SLC4A10: variants seen among roughly 807,000 people sequenced by gnomAD.
SLC4A10 encodes solute carrier family 4 member 10, also known as sodium-driven chloride bicarbonate exchanger.
Under a neutral mutation model 137.7 loss-of-function variants are expected in SLC4A10, and 42 were observed. That is an observed-to-expected ratio of 0.30 (90% CI 0.24 to 0.39). The LOEUF is 0.39. Among genes scored for constraint, SLC4A10 ranks in the 10% least tolerant of loss-of-function variants. SLC4A10 has a pLI of 1.00. For missense variants in SLC4A10, 925 were observed against 1,355.0 expected (o/e 0.68, Z 4.98); for synonymous variants, 474 against 464.1 (o/e 1.02, Z -0.27).
intron 1 of SLC4A10, among the ~76,000 whole-genome samples, chr2:161,693,669 CT>C (rs774199734): frequency 0.076 from 8,717 of 115,178 alleles, 288 homozygotes; most frequent in African/African-American, 0.11. Context: ...ACAAATTCGA[CT>C]TTTTTTTTTT....
chr2:161,745,623 G>T (rs891930356), intron 1 of SLC4A10, among the ~76,000 whole-genome samples: 3 of 152,004 alleles, frequency 2.0e-5, no homozygotes, highest in African/African-American at 7.2e-5. Context: ...TAATGCTTGG[G>T]ATATTTATTG....
intron 26 of SLC4A10, among the ~76,000 whole-genome samples, chr2:161,982,193 C>T (rs976075901): frequency 1.3e-5 from 2 of 152,084 alleles, no homozygotes; most frequent in Non-Finnish European, 2.9e-5. Context: ...CAGCCCAGGG[C>T]CTCAGTAGCT....
chr2:161,967,366 A>G (rs1407066789), intron 23 of SLC4A10, among the ~76,000 whole-genome samples: 2 of 152,210 alleles, frequency 1.3e-5, no homozygotes, highest in Non-Finnish European at 2.9e-5. Context: ...CTCGACCTTG[A>G]ACTGGAATAA....
intron 2 of SLC4A10, among the ~76,000 whole-genome samples, chr2:161,801,534 A>C (rs1224789110): frequency 6.6e-6 from 1 of 152,112 alleles, no homozygotes; most frequent in African/African-American, 2.4e-5. Context: ...TCAAACAAAG[A>C]AAGCTTTAAC....
intron 8 of SLC4A10, among the ~76,000 whole-genome samples, chr2:161,877,461 A>C (rs1265060427): frequency 6.6e-6 from 1 of 152,030 alleles, no homozygotes; most frequent in Non-Finnish European, 1.5e-5. Flanking sequence ...TATATGGGAA[A>C]TCTTCTATTC....
chr2:161,832,914 G>T (rs560621128), intron 3 of SLC4A10, among the ~76,000 whole-genome samples: 54 of 152,156 alleles, frequency 3.5e-4, no homozygotes, highest in Non-Finnish European at 7.1e-4. Context: ...CTAATTTTTT[G>T]TATTTTTAGT....
intron 20 of SLC4A10, among the ~76,000 whole-genome samples, chr2:161,958,063 G>A (rs1280656664): frequency 6.6e-6 from 1 of 151,560 alleles, no homozygotes; most frequent in Non-Finnish European, 1.5e-5. Flanking sequence ...CAAATACCTG[G>A]TATAATACAG....
chr2:161,657,395 A>G (rs1033629586), intron 1 of SLC4A10, among the ~76,000 whole-genome samples: 2 of 152,060 alleles, frequency 1.3e-5, no homozygotes, highest in African/African-American at 2.4e-5. Flanking sequence ...AATTCGTAAA[A>G]TTAAAGTGTT....
chr2:161,977,179 C>A, intron 25 of SLC4A10: 1 of 284,862 alleles, frequency 3.5e-6, no homozygotes, highest in Non-Finnish European at 6.6e-6. Context: ...TCCCCCAGGA[C>A]CCCTTTAGAC....
At chr2:161,869,944 C>A (rs1381999202) in intron 6 of SLC4A10, among the ~76,000 whole-genome samples, 1 of 151,370 alleles carries the variant, frequency 6.6e-6, no homozygotes, top group African/African-American at 2.4e-5. Flanking sequence ...CTAGGACTAG[C>A]AAGAAGTTTA....
At chr2:161,649,406 G>A (rs2036499585) in intron 1 of SLC4A10, among the ~76,000 whole-genome samples, 2 of 152,098 alleles carry the variant, frequency 1.3e-5, no homozygotes, top group Non-Finnish European at 2.9e-5. Flanking sequence ...AACAATATGT[G>A]ACTATTTTAA....
chr2:161,982,301 C>T (rs998910827), intron 26 of SLC4A10, among the ~76,000 whole-genome samples: 4 of 152,102 alleles, frequency 2.6e-5, no homozygotes, highest in Non-Finnish European at 5.9e-5. Context: ...AGGGAGAAAG[C>T]ATTTCTGCCC....
chr2:161,784,661 A>G (rs2053419094), intron 2 of SLC4A10, among the ~76,000 whole-genome samples: 2 of 151,884 alleles, frequency 1.3e-5, no homozygotes, highest in African/African-American at 4.8e-5. Flanking sequence ...AATGGGTCAG[A>G]AAGAATTCAA....
At position 161,848,249 on chromosome 2, in the gene SLC4A10, T is replaced by G. The variant is rs138112653; in HGVS notation, c.417-6721T>G. Among the ~76,000 whole-genome samples, 729 of 152,276 alleles carry G rather than the reference T, an allele frequency of 4.8e-3. 6 individuals are homozygous for G. Among genetic ancestry groups the G allele is most frequent in the African/African-American group, 0.017 (693 of 41,566 alleles). On this transcript the variant is annotated intron_variant, in intron 4 of 26. Coordinates refer to ENST00000446997, the MANE Select transcript of SLC4A10 (RefSeq NM_001178015.2). ...GGGTTGTTTGTTTTTTGCTTGTTGA[T>G]TTATTTGAGTTCCTTAAAGATTCTG...
In SLC4A10 at chr2:161,972,691, GT is replaced by G. The variant is rs1475380196; in HGVS notation, c.3160-1555del. On this transcript the variant is annotated intron_variant, in intron 23 of 26. Transcript: ENST00000446997. ...TCACAGAAAACAAATACAATATAGAGTTTCTGGGGAAAGCTTCTAAGCAGGG... is the reference window on the plus strand; with the variant it reads ...TCACAGAAAACAAATACAATATAGAGTTCTGGGGAAAGCTTCTAAGCAGGG... Among the ~76,000 whole-genome samples the G allele has an allele frequency of 5.3e-5, 8 of 152,284 alleles. No homozygotes were observed. In the East Asian group the frequency reaches 1.5e-3, roughly 29 times the overall value.
chr2:161,906,989 G>C (rs1208050494), intron 15 of SLC4A10, among the ~76,000 whole-genome samples: 1 of 148,738 alleles, frequency 6.7e-6, no homozygotes, highest in South Asian at 2.1e-4. Flanking sequence ...CCGGGAGGCG[G>C]AGCTTGCAGT....
chr2:161,972,115 G>A (rs146791295), intron 23 of SLC4A10, among the ~76,000 whole-genome samples: 234 of 152,128 alleles, frequency 1.5e-3, no homozygotes, highest in African/African-American at 5.4e-3. Flanking sequence ...CTTGCTTCTT[G>A]ACATTTTACT....
chr2:161,899,217 C>CT (rs1441053256), intron 11 of SLC4A10, among the ~76,000 whole-genome samples: 2 of 151,986 alleles, frequency 1.3e-5, no homozygotes, highest in Non-Finnish European at 2.9e-5. Flanking sequence ...ATCATCAAAT[C>CT]TTTTTTTCTG....
intron 2 of SLC4A10, among the ~76,000 whole-genome samples, chr2:161,782,345 G>T (rs1296694780): frequency 6.6e-6 from 1 of 151,996 alleles, no homozygotes; most frequent in East Asian, 1.9e-4. Context: ...AGAAGCTTTA[G>T]AATCTCTTCC....
Sources: allele counts gnomAD v4.1 joint callset (sites outside exome capture counted in the v4.1 genomes callset), GRCh38; gene constraint gnomAD v4.1.1; transcripts MANE v1.5; gene names NCBI Gene and HGNC (gene_info 2026-07-23, HGNC 2026-07-21).